The following TRAPPC8 variants were observed in gnomAD, a reference collection of about 807,000 sequenced individuals.
TRAPPC8 encodes trafficking protein particle complex subunit 8, also known as general sporulation gene 1 homolog.
TRAPPC8 carries 54 observed loss-of-function variants against 174.3 expected under a neutral mutation model. The ratio of observed to expected loss-of-function variants is 0.31; its 90% CI spans 0.25 to 0.39. TRAPPC8 has a LOEUF of 0.39. Ranked by LOEUF, TRAPPC8 falls within the 10% of genes least tolerant of loss-of-function variation. The pLI is 1.00. For missense variants in TRAPPC8, 1,531 were observed against 1,699.1 expected, an observed-to-expected ratio of 0.90 and a Z score of 1.74; for synonymous variants, 630 against 579.9, an observed-to-expected ratio of 1.09 and a Z score of -1.24.
intron 2 of TRAPPC8, among the ~76,000 whole-genome samples, chr18:31,928,271 C>G (rs770147600): frequency 6.6e-6 from 1 of 151,282 alleles, no homozygotes; most frequent in Non-Finnish European, 1.5e-5. Context: ...GGCCAAGGTA[C>G]GAGGATCGCT....
At chr18:31,894,854 A>G (rs2036117858) in intron 11 of TRAPPC8, among the ~76,000 whole-genome samples, 1 of 152,174 alleles carries the variant, frequency 6.6e-6, no homozygotes, top group African/African-American at 2.4e-5. Context: ...CTAGAAACTG[A>G]TTTTTCATAT....
At chr18:31,885,321 G>A (rs1342489837) in intron 12 of TRAPPC8, among the ~76,000 whole-genome samples, 1 of 152,060 alleles carries the variant, frequency 6.6e-6, no homozygotes, top group Non-Finnish European at 1.5e-5. Flanking sequence ...CATGTAACTT[G>A]GGACAATCTA....
chr18:31,911,864 C>A (rs1237688222), intron 5 of TRAPPC8, among the ~76,000 whole-genome samples: 2 of 141,480 alleles, frequency 1.4e-5, no homozygotes, highest in Non-Finnish European at 3.1e-5. Flanking sequence ...AGAGCGAGAT[C>A]CTGTCTCAAA....
intron 19 of TRAPPC8, among the ~76,000 whole-genome samples, 153 bp downstream of exon 19, chr18:31,864,474 A>C (rs1167033303): frequency 6.6e-6 from 1 of 152,122 alleles, no homozygotes; most frequent in African/African-American, 2.4e-5. Context: ...ATTGCCTTAC[A>C]TTGTGAATTA....
chr18:31,891,909 A>G (rs2035968256), intron 11 of TRAPPC8, among the ~76,000 whole-genome samples: 1 of 152,212 alleles, frequency 6.6e-6, no homozygotes. Context: ...AGCATTCAGT[A>G]AATGGCAGCT....
intron 12 of TRAPPC8, among the ~76,000 whole-genome samples, chr18:31,889,587 T>C (rs148356991): frequency 2.0e-5 from 3 of 151,946 alleles, no homozygotes; most frequent in African/African-American, 7.2e-5. Context: ...GCATTTACTA[T>C]TGAAGAAAAG....
chr18:31,904,236 CAAAA>C (rs113613252), intron 9 of TRAPPC8, among the ~76,000 whole-genome samples: 2 of 92,158 alleles, frequency 2.2e-5, no homozygotes. Flanking sequence ...ACCTTGCCTC[CAAAA>C]AAAAAAAAAA....
chr18:31,878,993 C>T (rs2035294294), intron 12 of TRAPPC8, among the ~76,000 whole-genome samples: 1 of 152,184 alleles, frequency 6.6e-6, no homozygotes, highest in African/African-American at 2.4e-5. Flanking sequence ...TACTACTAGA[C>T]TGAAGACAAG....
intron 19 of TRAPPC8, 148 bp from the exon 20 acceptor site, chr18:31,858,130 T>C: frequency 1.6e-6 from 1 of 641,876 alleles, no homozygotes; most frequent in East Asian, 2.8e-5. Flanking sequence ...TATGTGGCAG[T>C]TAATGACTCC....
chr18:31,920,897 C>G (rs1280292683), intron 2 of TRAPPC8, among the ~76,000 whole-genome samples: 1 of 147,162 alleles, frequency 6.8e-6, no homozygotes, highest in South Asian at 2.2e-4. Flanking sequence ...GCCGAGATCA[C>G]GCCACTGCAC....
At chr18:31,841,982 C>T (rs912782569) in intron 26 of TRAPPC8, among the ~76,000 whole-genome samples, 1 of 152,150 alleles carries the variant, frequency 6.6e-6, no homozygotes, top group Admixed American at 6.5e-5. Flanking sequence ...GCAATCCTCC[C>T]ACCTCAGTCT....
intron 12 of TRAPPC8, among the ~76,000 whole-genome samples, chr18:31,877,562 A>C (rs2035218410): frequency 6.8e-6 from 1 of 147,004 alleles, no homozygotes; most frequent in Non-Finnish European, 1.5e-5. Flanking sequence ...GCAGTGAGCC[A>C]AGATCGCGCC....
intron 2 of TRAPPC8, among the ~76,000 whole-genome samples, chr18:31,918,364 C>T (rs1279178876): frequency 6.6e-6 from 1 of 152,130 alleles, no homozygotes; most frequent in Non-Finnish European, 1.5e-5. Context: ...TGTGACCCTG[C>T]CACTAGTCAC....
chr18:31,868,085 A>C (rs1462056346), intron 16 of TRAPPC8, among the ~76,000 whole-genome samples: 5 of 152,226 alleles, frequency 3.3e-5, no homozygotes, highest in South Asian at 2.1e-4. Flanking sequence ...ATGATAAAGA[A>C]AGACAGGTAG....
intron 26 of TRAPPC8, 96 bp downstream of exon 26, chr18:31,846,620 A>G: frequency 1.1e-6 from 1 of 941,642 alleles, no homozygotes. Context: ...TGAACAAACC[A>G]GACCCCTTCA....
At chr18:31,870,101 A>T (rs1598637351) in intron 16 of TRAPPC8, 2 of 180,422 alleles carry the variant, frequency 1.1e-5, no homozygotes, top group Non-Finnish European at 2.2e-5. Flanking sequence ...CAAAAAAAAA[A>T]AAAATAAAAA....
intron 15 of TRAPPC8, 139 bp from the exon 16 acceptor site, chr18:31,870,641 G>T: frequency 1.0e-6 from 1 of 968,032 alleles, no homozygotes; most frequent in Non-Finnish European, 1.5e-6. Context: ...AAATGTCCAC[G>T]TATTCAGGAT....
At chr18:31,838,874 C>T (rs1216756384) in intron 27 of TRAPPC8, among the ~76,000 whole-genome samples, 1 of 152,036 alleles carries the variant, frequency 6.6e-6, no homozygotes. Flanking sequence ...TGTTACTGTT[C>T]CACAGGTCAC....
intron 8 of TRAPPC8, 113 bp downstream of exon 8, chr18:31,908,190 A>T: frequency 1.8e-6 from 1 of 553,640 alleles, no homozygotes; most frequent in Non-Finnish European, 2.9e-6. Context: ...CTGAATTTTC[A>T]CCAATAAGAA....
Sources: gnomAD v4.1 joint callset for allele counts (sites outside exome capture counted in the v4.1 genomes callset) on GRCh38, gnomAD v4.1.1 for gene constraint, MANE v1.5 for transcripts, NCBI Gene and HGNC (gene_info 2026-07-23, HGNC 2026-07-21) for gene names.